Variants in DOCK10 observed in about 807,000 individuals in gnomAD.
DOCK10 encodes the protein dedicator of cytokinesis protein 10.
Under a neutral mutation model 280.1 loss-of-function variants are expected in DOCK10, and 145 were observed. The observed-to-expected ratio is 0.52, with a 90% CI of 0.45 to 0.59. DOCK10 has a LOEUF of 0.59. Ranked by LOEUF, DOCK10 falls within the 20% of genes least tolerant of loss-of-function variation. DOCK10 has a pLI of 0.00. For synonymous variants in DOCK10, 915 were observed against 942.2 expected (o/e 0.97, Z 0.53); for missense variants, 2,368 against 2,651.7 (o/e 0.89, Z 2.35).
rs150901228 is a variant in DOCK10, at chr2:224,990,650, G to A, written c.123+51602C>T. Among the ~76,000 whole-genome samples, 294 of 152,230 alleles carry A rather than the reference G, an allele frequency of 1.9e-3. 3 individuals carry two copies. In the East Asian group the frequency reaches 0.032, roughly 16 times the overall value. On this transcript the variant is annotated intron_variant, in intron 1 of 55. Coordinates refer to ENST00000258390, the MANE Select transcript of DOCK10 (RefSeq NM_014689.3). ...ATCTCCTTACTCTTCTTTTCCCGGA[G>A]ACACATAGTCTTCCCTGAGTGATGG...
At chr2:224,823,714 C>T in intron 27 of DOCK10, 67 bp from the exon 28 acceptor site, 1 of 1,409,218 alleles carries the variant, frequency 7.1e-7, no homozygotes, top group Non-Finnish European at 9.4e-7. Context: ...GAAGTATCAA[C>T]TGAAATATTT....
At chr2:224,938,454 T>C (rs1232691918) in intron 1 of DOCK10, among the ~76,000 whole-genome samples, 1 of 152,126 alleles carries the variant, frequency 6.6e-6, no homozygotes, top group Non-Finnish European at 1.5e-5. Flanking sequence ...CTTTTTCAAT[T>C]CTCTTCACAT....
intron 11 of DOCK10, among the ~76,000 whole-genome samples, chr2:224,873,568 G>T (rs921821144): frequency 8.9e-5 from 11 of 123,542 alleles, no homozygotes; most frequent in Non-Finnish European, 1.4e-4. Context: ...CTGCACTCCA[G>T]CCTGGGCAAC....
At chr2:224,812,546 G>A (rs1336709590) in intron 31 of DOCK10, among the ~76,000 whole-genome samples, 2 of 152,148 alleles carry the variant, frequency 1.3e-5, no homozygotes, top group Non-Finnish European at 2.9e-5. Context: ...GGTGAGGGAG[G>A]GCATCCCTGT....
In DOCK10 at chr2:224,770,102, T is replaced by C; in HGVS notation, c.6444+109A>G. On this transcript the variant is annotated intron_variant, in intron 55 of 55. Coordinates refer to ENST00000258390, the MANE Select transcript of DOCK10 (RefSeq NM_014689.3). This position sits in a 1 kb window ranked among gnomAD's most constrained non-coding sequence, Gnocchi z 4.5. ...GAACAGATCAGCAACATGGTGCTGA[T>C]GCAGTGATTTCTGCAGCAAGAAAAG... 1 of 1,263,340 alleles carries C rather than the reference T, an allele frequency of 7.9e-7. No individual in the cohort carries two copies. The highest frequency in any genetic ancestry group is 1.5e-5 in the African/African-American group (1 of 66,388). 78.3% of individuals were successfully genotyped at this position (1,263,340 alleles called of 1,614,324 possible).
intron 1 of DOCK10, among the ~76,000 whole-genome samples, chr2:224,952,631 C>T (rs1184547038): frequency 4.2e-4 from 61 of 145,412 alleles, no homozygotes; most frequent in African/African-American, 1.5e-3. Context: ...CTTGCTCTGT[C>T]GCCCAGGCTG....
rs1697795208 is a variant in DOCK10 at position 224,864,968 on chromosome 2, A to G, written c.1377T>C (p.Ser459=). 1 of 1,613,868 alleles carries G rather than the reference A, an allele frequency of 6.2e-7. No homozygotes were observed. The highest frequency in any genetic ancestry group is 8.5e-7 in the Non-Finnish European group (1 of 1,179,874). The change falls in exon 12 of 56, where the codon TCT becomes TCC. Residue 459 remains serine, a synonymous_variant. Transcript: ENST00000258390. ...CGATGTTGCCATTTTCCAAAGCCAC[A>G]GAAGCCCCCAAGAGCATCTGTCTGA... ...AAVRQMLLGA[S]VALENGNIDT... is the part of the protein sequence containing the mutation.
chr2:224,849,618 G>A lies in DOCK10; in HGVS notation c.2143-19C>T, dbSNP rs745619079. The A allele has an allele frequency of 6.5e-7, 1 of 1,532,344 alleles. No homozygotes were observed. Among genetic ancestry groups the A allele is most frequent in the South Asian group, 1.2e-5 (1 of 85,404 alleles). 94.9% of individuals were successfully genotyped at this position (1,532,344 alleles called of 1,614,324 possible). On this transcript the variant is annotated intron_variant, in intron 18 of 55. Transcript: ENST00000258390. ...AAATACACTGTTTGAAAAGTTATGA[G>A]TTGAACAATTATGAGTGTCTGAAAT...
chr2:224,865,837 T>C (rs1296541193), intron 11 of DOCK10, among the ~76,000 whole-genome samples: 4 of 134,526 alleles, frequency 3.0e-5, no homozygotes, highest in Non-Finnish European at 4.8e-5. Flanking sequence ...CTCCTGTTTC[T>C]CTCTCTCTCT....
In DOCK10 at chr2:224,823,578, C is replaced by T. The variant is rs1021713162; in HGVS notation, c.3106G>A (p.Asp1036Asn). The T allele has an allele frequency of 8.7e-6, 14 of 1,607,508 alleles. No individual in the cohort carries two copies. The highest frequency in any genetic ancestry group is 1.1e-5 in the South Asian group (1 of 89,206). Residue 1036 changes from aspartate to asparagine, a missense_variant, in exon 28 of 56, where the codon GAC becomes AAC. Coordinates refer to ENST00000258390, the MANE Select transcript of DOCK10 (RefSeq NM_014689.3). ...ELDNLVMVLSDHVIWKYKDAL... is the reference protein window; with the variant it reads ...ELDNLVMVLSNHVIWKYKDAL... ...TCCTTGTATTTCCAAATCACATGGT[C>T]GGATAGGACCATGACAAGATTGTCC...
intron 18 of DOCK10, among the ~76,000 whole-genome samples, chr2:224,850,834 C>T (rs976035910): frequency 2.0e-5 from 3 of 152,180 alleles, no homozygotes; most frequent in Non-Finnish European, 2.9e-5. Flanking sequence ...TGCCTCTTTC[C>T]CTTCCACCAT....
chr2:224,847,750 A>C (rs1179614275), intron 19 of DOCK10, among the ~76,000 whole-genome samples: 1 of 152,182 alleles, frequency 6.6e-6, no homozygotes, highest in Non-Finnish European at 1.5e-5. Context: ...CGCATATGGA[A>C]GAGTGAAAGA....
At chr2:224,790,141 T>A (rs1692064718) in intron 47 of DOCK10, among the ~76,000 whole-genome samples, 1 of 152,230 alleles carries the variant, frequency 6.6e-6, no homozygotes, top group South Asian at 2.1e-4. Flanking sequence ...TTTCTTAGTA[T>A]CTTAGGCACC....
intron 1 of DOCK10, among the ~76,000 whole-genome samples, chr2:225,041,976 G>A (rs115994928): frequency 0.047 from 7,156 of 152,286 alleles, 342 homozygotes; most frequent in African/African-American, 0.12. Context: ...TAAAGCCCCT[G>A]CACATCCTCT....
chr2:224,904,816 C>A (rs1210188166), intron 3 of DOCK10, among the ~76,000 whole-genome samples: 1 of 151,834 alleles, frequency 6.6e-6, no homozygotes. Context: ...ATATGTGGTC[C>A]AAAATTAAAC....
intron 1 of DOCK10, among the ~76,000 whole-genome samples, chr2:224,967,742 A>C (rs1160397146): frequency 6.6e-6 from 1 of 152,140 alleles, no homozygotes; most frequent in Non-Finnish European, 1.5e-5. Context: ...AAAAAAAAAA[A>C]ACCACATATA....
intron 1 of DOCK10, among the ~76,000 whole-genome samples, chr2:224,961,412 C>CTTTCTTTCTCTTTCTTTCTT (rs57668925): frequency 4.2e-5 from 5 of 119,382 alleles, no homozygotes; most frequent in African/African-American, 1.3e-4. Flanking sequence ...TTCTTTCTTT[C>CTTTCTTTCTCTTTCTTTCTT]TCTTTCTTTC....
chr2:224,952,472 C>T (rs1001869394), intron 1 of DOCK10, among the ~76,000 whole-genome samples: 1 of 151,576 alleles, frequency 6.6e-6, no homozygotes, highest in African/African-American at 2.4e-5. Context: ...GGTGAGAAGT[C>T]GAATGGCACA....
chr2:224,808,227 G>A, intron 31 of DOCK10, 141 bp from the exon 32 acceptor site: 1 of 768,480 alleles, frequency 1.3e-6, no homozygotes, highest in Non-Finnish European at 2.1e-6. Context: ...ACAGAAATGA[G>A]GTGTGTTGTA....
Sources: gnomAD v4.1 joint callset for allele counts (sites outside exome capture counted in the v4.1 genomes callset) on GRCh38, gnomAD v4.1.1 for gene constraint, Gnocchi (gnomAD v3.1) non-coding constraint, MANE v1.5 for transcripts, NCBI Gene and HGNC (gene_info 2026-07-23, HGNC 2026-07-21) for gene names.